The following GRIA4 variants were observed in gnomAD, a reference collection of about 807,000 sequenced individuals.
The protein encoded by GRIA4 is glutamate receptor 4.
Under a neutral mutation model 104.0 loss-of-function variants are expected in GRIA4, and 34 were observed. The ratio of observed to expected loss-of-function variants is 0.33; its 90% CI spans 0.25 to 0.44. The LOEUF (loss-of-function observed/expected upper bound fraction) is 0.44, where lower values mean the gene tolerates loss of function less well. Ranked by LOEUF, GRIA4 falls within the 20% of genes least tolerant of loss-of-function variation. GRIA4 has a pLI of 1.00. For missense variants in GRIA4, 750 were observed against 1,096.5 expected (o/e 0.68, Z 4.46); for synonymous variants, 386 against 381.9 (o/e 1.01, Z -0.13).
intron 3 of GRIA4, among the ~76,000 whole-genome samples, chr11:105,702,770 C>T (rs1293430666): frequency 1.4e-5 from 2 of 141,000 alleles, no homozygotes; most frequent in Non-Finnish European, 3.0e-5. Flanking sequence ...TCTCTGCTCA[C>T]TGCAACCTCC....
At chr11:105,767,149 A>G (rs1476183186) in intron 4 of GRIA4, among the ~76,000 whole-genome samples, 1 of 152,130 alleles carries the variant, frequency 6.6e-6, no homozygotes, top group East Asian at 1.9e-4. Context: ...GAATTTAAAA[A>G]TGGGGAACAA....
Position 105,688,148 on chromosome 11 carries a change from A to C in GRIA4, c.248-64833A>C, listed in dbSNP as rs1565464827. 6.4e-3 allele frequency among the ~76,000 whole-genome samples: 374 copies of C among 58,786 alleles called. 1 individual carries two copies. The highest frequency in any genetic ancestry group is 0.022 in the African/African-American group (355 of 15,970). The allele number at this position is 58,786 out of a possible 152,430, so 38.6% of individuals were successfully genotyped here. A position where few individuals can be genotyped will look rare whatever the true frequency, so the allele number is the denominator to read the frequency against. The stretch of plus-strand genomic sequence containing the variant: ...TATCTATATCTATATCTATATCTAT[A>C]TCTATATCTCTATCTATCTATCTAT... On this transcript the variant is annotated intron_variant, in intron 3 of 16. Transcript: ENST00000282499.
At chr11:105,636,587 T>A (rs1422605698) in intron 3 of GRIA4, among the ~76,000 whole-genome samples, 1 of 152,222 alleles carries the variant, frequency 6.6e-6, no homozygotes, top group Non-Finnish European at 1.5e-5. Context: ...CTCCCCTTTT[T>A]CCCTTGTGTT....
chr11:105,871,018 T>C (rs991887668), intron 5 of GRIA4, among the ~76,000 whole-genome samples: 4 of 152,068 alleles, frequency 2.6e-5, no homozygotes, highest in African/African-American at 9.7e-5. Flanking sequence ...CTTAATTTGT[T>C]TGACATCTAC....
intron 3 of GRIA4, among the ~76,000 whole-genome samples, chr11:105,646,393 T>C (rs1951528450): frequency 6.6e-6 from 1 of 152,236 alleles, no homozygotes; most frequent in Non-Finnish European, 1.5e-5. Context: ...AGGAGTTCGA[T>C]ACCAGCCTTG....
intron 4 of GRIA4, among the ~76,000 whole-genome samples, chr11:105,757,681 A>C (rs1232084217): frequency 6.6e-6 from 1 of 152,054 alleles, no homozygotes; most frequent in Non-Finnish European, 1.5e-5. Context: ...TTCTGGACAC[A>C]CATTGTTGAC....
At chr11:105,869,790 T>G (rs988596168) in intron 5 of GRIA4, among the ~76,000 whole-genome samples, 5 of 152,082 alleles carry the variant, frequency 3.3e-5, no homozygotes, top group Admixed American at 6.6e-5. Flanking sequence ...AGAAAAGTAA[T>G]GGAACAAATT....
At chr11:105,616,221 C>G (rs1474018623) in intron 3 of GRIA4, among the ~76,000 whole-genome samples, 1 of 151,474 alleles carries the variant, frequency 6.6e-6, no homozygotes, top group African/African-American at 2.4e-5. Flanking sequence ...CTTTTTCTAG[C>G]TAGAATCATT....
chr11:105,848,163 TG>T (rs1944663607), intron 4 of GRIA4, among the ~76,000 whole-genome samples: 1 of 152,164 alleles, frequency 6.6e-6, no homozygotes, highest in African/African-American at 2.4e-5. Flanking sequence ...GCTTATTATT[TG>T]TTAAAAAAAT....
chr11:105,869,234 T>A (rs1945532431), intron 5 of GRIA4, among the ~76,000 whole-genome samples: 1 of 152,138 alleles, frequency 6.6e-6, no homozygotes, highest in African/African-American at 2.4e-5. Flanking sequence ...ATGCAAGTGC[T>A]TTTGTCTGGG....
intron 3 of GRIA4, among the ~76,000 whole-genome samples, chr11:105,662,274 C>G (rs925870704): frequency 1.3e-5 from 2 of 151,792 alleles, no homozygotes; most frequent in Admixed American, 6.6e-5. Context: ...AGTTGATTAG[C>G]TTGTCTGAGT....
chr11:105,816,581 A>G (rs1251930906), intron 4 of GRIA4, among the ~76,000 whole-genome samples: 1 of 152,098 alleles, frequency 6.6e-6, no homozygotes, highest in East Asian at 1.9e-4. Context: ...TGAACCAAAT[A>G]AACGTCTTTT....
At chr11:105,836,568 A>C (rs2135946453) in intron 4 of GRIA4, among the ~76,000 whole-genome samples, 1 of 152,222 alleles carries the variant, frequency 6.6e-6, no homozygotes, top group South Asian at 2.1e-4. Flanking sequence ...TTAGGCTTCA[A>C]CCTCAGCACA....
chr11:105,849,097 T>C (rs1411022608), intron 4 of GRIA4, among the ~76,000 whole-genome samples: 2 of 152,026 alleles, frequency 1.3e-5, no homozygotes, highest in Non-Finnish European at 2.9e-5. Flanking sequence ...AAGGCTGAGA[T>C]AGGAAAATCA....
intron 8 of GRIA4, among the ~76,000 whole-genome samples, chr11:105,904,614 C>T (rs1389010261): frequency 6.6e-6 from 1 of 152,068 alleles, no homozygotes; most frequent in African/African-American, 2.4e-5. Context: ...ATTATACTAA[C>T]ACTATTTGTT....
At chr11:105,839,664 C>T (rs555353690) in intron 4 of GRIA4, among the ~76,000 whole-genome samples, 7 of 151,642 alleles carry the variant, frequency 4.6e-5, no homozygotes, top group South Asian at 2.1e-4. Context: ...GCCGAGATTG[C>T]GCCACCGCAC....
chr11:105,786,413 C>T (rs1301329254), intron 4 of GRIA4, among the ~76,000 whole-genome samples: 1 of 152,120 alleles, frequency 6.6e-6, no homozygotes, highest in Non-Finnish European at 1.5e-5. Context: ...ATTTGTGGAA[C>T]ATTTAGCTTT....
At chr11:105,779,554 C>T (rs1941619839) in intron 4 of GRIA4, among the ~76,000 whole-genome samples, 1 of 152,004 alleles carries the variant, frequency 6.6e-6, no homozygotes, top group African/African-American at 2.4e-5. Context: ...TTAGTGGGTG[C>T]AGCGCACCAG....
At chr11:105,663,168 A>G (rs1262345370) in intron 3 of GRIA4, among the ~76,000 whole-genome samples, 3 of 118,762 alleles carry the variant, frequency 2.5e-5, no homozygotes, top group Admixed American at 1.0e-4. Context: ...ATTGATTTAT[A>G]TAACTTTATT....
Sources: gnomAD v4.1 joint callset for allele counts (sites outside exome capture counted in the v4.1 genomes callset) on GRCh38, gnomAD v4.1.1 for gene constraint, MANE v1.5 for transcripts, NCBI Gene and HGNC (gene_info 2026-07-23, HGNC 2026-07-21) for gene names.